The following SORCS2 variants were observed in gnomAD, a reference collection of about 807,000 sequenced individuals.
SORCS2 encodes the protein VPS10 domain-containing receptor SorCS2.
SORCS2 carries 100 observed loss-of-function variants against 141.6 expected under a neutral mutation model. The observed-to-expected ratio is 0.71, with a 90% confidence interval of 0.60 to 0.83. The LOEUF (loss-of-function observed/expected upper bound fraction) is 0.83, where lower values mean the gene tolerates loss of function less well. Among genes scored for constraint, SORCS2 ranks in the 40% least tolerant of loss-of-function variants. The pLI, the probability that SORCS2 is intolerant of heterozygous loss-of-function variation, is 0.00. For synonymous variants in SORCS2, 789 were observed against 676.9 expected (o/e 1.17, Z -2.57); for missense variants, 1,646 against 1,560.2 (o/e 1.05, Z -0.93).
At chr4:7,570,003 C>T (rs967611582) in intron 3 of SORCS2, among the ~76,000 whole-genome samples, 7 of 152,256 alleles carry the variant, frequency 4.6e-5, no homozygotes, top group African/African-American at 1.2e-4. Flanking sequence ...GGGCAGGGGA[C>T]GAGGGCTCCC....
intron 9 of SORCS2, among the ~76,000 whole-genome samples, chr4:7,678,589 C>G (rs1417559166): frequency 1.3e-5 from 2 of 149,548 alleles, no homozygotes; most frequent in Non-Finnish European, 3.0e-5. Flanking sequence ...CTGGAAGAGG[C>G]TGAGCAGGAG....
intron 2 of SORCS2, among the ~76,000 whole-genome samples, chr4:7,415,960 GT>G (rs1265029882): frequency 2.0e-5 from 3 of 152,186 alleles, no homozygotes; most frequent in African/African-American, 7.2e-5. Flanking sequence ...ATGGATAGGA[GT>G]TTTCAGGCAG....
intron 2 of SORCS2, among the ~76,000 whole-genome samples, chr4:7,480,971 G>A (rs1165046069): frequency 6.6e-6 from 1 of 152,266 alleles, no homozygotes; most frequent in African/African-American, 2.4e-5. Flanking sequence ...AGGCCTGTGA[G>A]GTGACAGGAG....
Position 7,741,682 on chromosome 4 carries a change from A to AATTC in SORCS2, c.*1420_*1421insTCAT, listed in dbSNP as rs1712691295. ...GATGGTGATGCGCTGGCTGGGGGTG[A>AATTC]ATCCCAATGAGGGTCCCTCTCAGAA... On this transcript the variant is annotated 3_prime_UTR_variant, in exon 27 of 27. Coordinates refer to ENST00000507866, the MANE Select transcript of SORCS2 (RefSeq NM_020777.3). 2 of 164,164 alleles carry AATTC rather than the reference A, an allele frequency of 1.2e-5. No homozygotes were observed. The highest frequency in any genetic ancestry group is 4.1e-4 in the South Asian group (2 of 4,884). 10.2% of individuals were successfully genotyped at this position (164,164 alleles called of 1,614,324 possible). A position where few individuals can be genotyped will look rare whatever the true frequency, so the allele number is the denominator to read the frequency against.
intron 2 of SORCS2, among the ~76,000 whole-genome samples, chr4:7,438,210 T>C (rs1367829859): frequency 2.0e-5 from 3 of 152,162 alleles, no homozygotes; most frequent in Non-Finnish European, 4.4e-5. Flanking sequence ...AGGCCTTCCA[T>C]CGGGAGCTGA....
At chr4:7,236,761 A>T (rs568263787) in intron 1 of SORCS2, among the ~76,000 whole-genome samples, 4 of 152,094 alleles carry the variant, frequency 2.6e-5, no homozygotes, top group Non-Finnish European at 4.4e-5. Flanking sequence ...TTTGTATTTT[A>T]TTAGAGACAG....
chr4:7,389,896 C>A (rs923292080), intron 1 of SORCS2, among the ~76,000 whole-genome samples: 14 of 152,038 alleles, frequency 9.2e-5, no homozygotes. Context: ...CCTGATGAGG[C>A]TGAAGGACAG....
intron 3 of SORCS2, 37 bp from the exon 4 acceptor site, chr4:7,638,290 CA>C: frequency 6.7e-7 from 1 of 1,489,880 alleles, no homozygotes; most frequent in Non-Finnish European, 8.9e-7. Flanking sequence ...GGGAGAGGGG[CA>C]CCTGGCCCAG....
chr4:7,520,487 C>T (rs932674560), intron 2 of SORCS2, among the ~76,000 whole-genome samples: 3 of 152,158 alleles, frequency 2.0e-5, no homozygotes, highest in East Asian at 1.9e-4. Flanking sequence ...TCTGGGATTG[C>T]GCCCAGCCCA....
chr4:7,336,935 T>G (rs1720024482), intron 1 of SORCS2, among the ~76,000 whole-genome samples: 1 of 152,098 alleles, frequency 6.6e-6, no homozygotes, highest in East Asian at 1.9e-4. Flanking sequence ...AGCCCCAAGT[T>G]CTCATCTGAG....
At chr4:7,316,212 TTCCATCCATCCATCCA>T (rs376660766) in intron 1 of SORCS2, among the ~76,000 whole-genome samples, 6 of 150,630 alleles carry the variant, frequency 4.0e-5, no homozygotes, top group South Asian at 2.1e-4. Flanking sequence ...CTAGCTTTCC[TTCCATCCATCCATCCA>T]TCCATCCATC....
intron 1 of SORCS2, among the ~76,000 whole-genome samples, chr4:7,260,408 A>G (rs1228680365): frequency 6.6e-6 from 1 of 152,212 alleles, no homozygotes; most frequent in Non-Finnish European, 1.5e-5. Context: ...AATGTTGAGC[A>G]ACAAATTGCT....
chr4:7,544,299 G>A (rs1322828954), intron 3 of SORCS2, among the ~76,000 whole-genome samples: 1 of 152,234 alleles, frequency 6.6e-6, no homozygotes, highest in East Asian at 1.9e-4. Context: ...GTGACATCAA[G>A]GTGAGAGATG....
At chr4:7,413,517 C>T (rs753535811) in intron 2 of SORCS2, among the ~76,000 whole-genome samples, 14 of 150,112 alleles carry the variant, frequency 9.3e-5, no homozygotes, top group Middle Eastern at 3.2e-3. Context: ...CCTCAGCCTT[C>T]GGAGTAGCTA....
chr4:7,686,776 G>T (rs1723906230), intron 10 of SORCS2, among the ~76,000 whole-genome samples: 1 of 152,258 alleles, frequency 6.6e-6, no homozygotes, highest in African/African-American at 2.4e-5. Context: ...GCGTGGGAGT[G>T]CGTGTGTCAG....
At chr4:7,261,775 G>T (rs978943423) in intron 1 of SORCS2, among the ~76,000 whole-genome samples, 2 of 152,220 alleles carry the variant, frequency 1.3e-5, no homozygotes, top group African/African-American at 4.8e-5. Flanking sequence ...TTCCCTGCTG[G>T]TGAGAGAGCT....
chr4:7,692,765 C>T (rs1399616346), intron 11 of SORCS2, among the ~76,000 whole-genome samples: 1 of 152,208 alleles, frequency 6.6e-6, no homozygotes, highest in African/African-American at 2.4e-5. Context: ...AAATGGGCAT[C>T]TGCCAAGCCG....
At chr4:7,608,539 A>G (rs1189230345) in intron 3 of SORCS2, among the ~76,000 whole-genome samples, 1 of 152,190 alleles carries the variant, frequency 6.6e-6, no homozygotes. Context: ...ATCCTTTCTG[A>G]CAAACATGAG....
At chr4:7,325,085 C>T (rs3894741) in intron 1 of SORCS2, among the ~76,000 whole-genome samples, 18,566 of 152,220 alleles carry the variant, frequency 0.12, 1,214 homozygotes, top group South Asian at 0.24. Context: ...GCTGAGTGCA[C>T]GCACCAAGCT....
Sources: allele counts gnomAD v4.1 joint callset (sites outside exome capture counted in the v4.1 genomes callset), GRCh38; gene constraint gnomAD v4.1.1; transcripts MANE v1.5; gene names NCBI Gene and HGNC (gene_info 2026-07-23, HGNC 2026-07-21).